MAD1L1: variants seen among roughly 807,000 people sequenced by gnomAD.
MAD1L1 encodes the protein mitotic arrest deficient 1 like 1, also known as mitotic spindle assembly checkpoint protein MAD1.
In MAD1L1, 95 loss-of-function variants were observed where a neutral mutation model predicts 96.9. That is an observed-to-expected ratio of 0.98 (90% confidence interval 0.83 to 1.16). The LOEUF is 1.16. MAD1L1 is among the 50% of genes most tolerant of loss of function. MAD1L1 has a pLI of 0.00. For synonymous variants in MAD1L1, 473 were observed against 396.6 expected, an observed-to-expected ratio of 1.19 and a Z score of -2.29; for missense variants, 1,007 against 954.4, an observed-to-expected ratio of 1.06 and a Z score of -0.73.
intron 14 of MAD1L1, among the ~76,000 whole-genome samples, chr7:1,999,656 C>T (rs1050270954): frequency 6.6e-6 from 1 of 152,192 alleles, no homozygotes; most frequent in African/African-American, 2.4e-5. Context: ...CCTCCACTGC[C>T]CCAGCCCTAC....
Position 2,119,882 on chromosome 7 carries a change from C to T in MAD1L1, c.1073+29270G>A, listed in dbSNP as rs972984225. Reference sequence around the variant, plus strand: ...GGACTCTGATCTGGGATCTCCCCTCCTTCCAAGCATCCAACCAGGAGCTCC... The same window carrying T: ...GGACTCTGATCTGGGATCTCCCCTCTTTCCAAGCATCCAACCAGGAGCTCC... On this transcript the variant is annotated intron_variant, in intron 11 of 18. Coordinates refer to ENST00000265854, the MANE Select transcript of MAD1L1 (RefSeq NM_001013836.2). This position sits in a 1 kb window ranked among gnomAD's most constrained non-coding sequence, Gnocchi z 4.6. 2.6e-5 allele frequency among the ~76,000 whole-genome samples: 4 copies of T among 152,272 alleles called. No individual in the cohort carries two copies. The highest frequency in any genetic ancestry group is 2.0e-4 in the Admixed American group (3 of 15,304).
Position 2,061,135 on chromosome 7 carries a change from G to A in MAD1L1, c.1218+8059C>T, listed in dbSNP as rs1203159345. On this transcript the variant is annotated intron_variant, in intron 12 of 18. Coordinates refer to ENST00000265854, the MANE Select transcript of MAD1L1 (RefSeq NM_001013836.2). ...AGGCAGATCACGAGGTCAGGAGTTC[G>A]AGACCAGCCTAACCAACATGGTGAG... 4.6e-5 allele frequency among the ~76,000 whole-genome samples: 7 copies of A among 152,212 alleles called. No homozygotes were observed. The East Asian group carries it at 9.7e-4, about 21-fold the overall frequency.
chr7:1,945,012 C>A (rs771096971), intron 16 of MAD1L1, among the ~76,000 whole-genome samples: 1 of 152,196 alleles, frequency 6.6e-6, no homozygotes, highest in Non-Finnish European at 1.5e-5. Context: ...TACGGGCAGC[C>A]CCTCACCTGG....
chr7:2,069,022 C>T (rs544112316), intron 12 of MAD1L1, among the ~76,000 whole-genome samples, 172 bp downstream of exon 12: 7 of 152,188 alleles, frequency 4.6e-5, no homozygotes, highest in Admixed American at 1.3e-4. Flanking sequence ...CAGGGAGCAC[C>T]GGGGCTGAGC....
intron 16 of MAD1L1, among the ~76,000 whole-genome samples, chr7:1,944,156 C>T (rs1041387055): frequency 9.9e-5 from 15 of 152,174 alleles, no homozygotes; most frequent in Admixed American, 5.2e-4. Flanking sequence ...GAAATGCTCA[C>T]AACAGACAGA....
At chr7:1,875,711 C>T (rs1234360185) in intron 18 of MAD1L1, among the ~76,000 whole-genome samples, 1 of 152,208 alleles carries the variant, frequency 6.6e-6, no homozygotes, top group East Asian at 1.9e-4. Flanking sequence ...AGGTAGTTCA[C>T]GTGCACAGAC....
intron 10 of MAD1L1, among the ~76,000 whole-genome samples, chr7:2,171,717 G>A (rs1790716793): frequency 6.6e-6 from 1 of 151,882 alleles, no homozygotes; most frequent in Admixed American, 6.6e-5. Context: ...TCCAGCAGCT[G>A]GAGGGTGGAG....
chr7:2,101,407 G>C (rs1584322323), intron 11 of MAD1L1, among the ~76,000 whole-genome samples: 1 of 1,030 alleles, frequency 9.7e-4, no homozygotes, highest in Non-Finnish European at 2.0e-3. Context: ...ATCCAGGTGG[G>C]TGGCATGAGA....
Position 2,142,518 on chromosome 7 carries a change from C to T in MAD1L1, c.1073+6634G>A, listed in dbSNP as rs758006263. Reference sequence around the variant, plus strand: ...ATCACGCGGGTTCTCTGCTGCCGGACGGAGCGCCCCTAGCTGCCACTGAGC... The same window carrying T: ...ATCACGCGGGTTCTCTGCTGCCGGATGGAGCGCCCCTAGCTGCCACTGAGC... On this transcript the variant is annotated intron_variant, in intron 11 of 18. Transcript: ENST00000265854. The surrounding 1 kb of genome is among the most constrained non-coding windows in gnomAD (Gnocchi z 4.7). Among the ~76,000 whole-genome samples the T allele has an allele frequency of 2.0e-5, 3 of 152,152 alleles. No individual in the cohort carries two copies. Among genetic ancestry groups the T allele is most frequent in the East Asian group, 3.8e-4 (2 of 5,204 alleles).
chr7:2,020,500 C>T (rs895317592), intron 12 of MAD1L1, among the ~76,000 whole-genome samples: 5 of 152,244 alleles, frequency 3.3e-5, no homozygotes, highest in African/African-American at 1.2e-4. Flanking sequence ...ACGCCCGGCC[C>T]TGACATCATG....
At chr7:1,964,153 T>C (rs527425513) in intron 15 of MAD1L1, among the ~76,000 whole-genome samples, 5 of 152,258 alleles carry the variant, frequency 3.3e-5, no homozygotes, top group South Asian at 4.1e-4. Context: ...CAGGGCTTCA[T>C]AGGGGAGTGA....
intron 17 of MAD1L1, among the ~76,000 whole-genome samples, chr7:1,904,446 C>A (rs1244652868): frequency 7.1e-6 from 1 of 140,190 alleles, no homozygotes; most frequent in Non-Finnish European, 1.5e-5. Context: ...GATGCTCTTG[C>A]GGAACTCATA....
chr7:1,956,299 G>C (rs965506784), intron 16 of MAD1L1, among the ~76,000 whole-genome samples: 51 of 152,072 alleles, frequency 3.4e-4, no homozygotes, highest in African/African-American at 1.2e-3. Context: ...GGGCTGTCTG[G>C]AAGTTTCCAA....
chr7:2,074,234 C>T (rs370334840), intron 11 of MAD1L1, among the ~76,000 whole-genome samples: 2 of 152,128 alleles, frequency 1.3e-5, no homozygotes, highest in African/African-American at 4.8e-5. Context: ...GAATCTCAAG[C>T]AAAGAAGCCA....
At chr7:1,905,430 G>C (rs1227006642) in intron 17 of MAD1L1, among the ~76,000 whole-genome samples, 1 of 136,542 alleles carries the variant, frequency 7.3e-6, no homozygotes, top group Non-Finnish European at 1.6e-5. Flanking sequence ...CATGATTGAT[G>C]AAGCACTGTT....
chr7:1,935,853 C>G (rs949728301), intron 17 of MAD1L1, among the ~76,000 whole-genome samples: 17 of 152,362 alleles, frequency 1.1e-4, no homozygotes, highest in African/African-American at 4.1e-4. Context: ...AGGGAGGGGG[C>G]TGGCAGCCGG....
intron 10 of MAD1L1, among the ~76,000 whole-genome samples, chr7:2,161,936 GC>G (rs1790160744): frequency 6.9e-6 from 1 of 144,250 alleles, no homozygotes; most frequent in African/African-American, 2.5e-5. Context: ...GAGGTGGGGG[GC>G]AGCCCCCACC....
At position 1,968,588 on chromosome 7, in the gene MAD1L1, G is replaced by A. The variant is rs991937671; in HGVS notation, c.1506-10869C>T. On this transcript the variant is annotated intron_variant, in intron 15 of 18. Coordinates refer to ENST00000265854, the MANE Select transcript of MAD1L1 (RefSeq NM_001013836.2). The surrounding 1 kb of genome is among the most constrained non-coding windows in gnomAD (Gnocchi z 5.6). ...TCCAGCGGTCAGGTCCACTGTCCAC[G>A]CCTCAGTCCGGCAGTCAGGTCCGCT... Among the ~76,000 whole-genome samples the A allele has an allele frequency of 6.6e-6, 1 of 150,978 alleles. No homozygotes were observed. The highest frequency in any genetic ancestry group is 2.0e-4 in the East Asian group (1 of 5,126).
At chr7:2,122,601 C>G (rs201566419) in intron 11 of MAD1L1, among the ~76,000 whole-genome samples, 1 of 144,052 alleles carries the variant, frequency 6.9e-6, no homozygotes, top group East Asian at 2.0e-4. Context: ...GACTCTGTTT[C>G]AAAAAAAAAA....
Sources: allele counts gnomAD v4.1 joint callset (sites outside exome capture counted in the v4.1 genomes callset), GRCh38; gene constraint gnomAD v4.1.1; non-coding constraint Gnocchi (gnomAD v3.1); transcripts MANE v1.5; gene names NCBI Gene and HGNC (gene_info 2026-07-23, HGNC 2026-07-21).